Variants in AGBL4 observed in about 807,000 individuals in gnomAD.
AGBL4 encodes AGBL carboxypeptidase 4.
A neutral mutation model predicts 66.4 loss-of-function variants in AGBL4; 58 were observed. The ratio of observed to expected loss-of-function variants is 0.87; its 90% CI spans 0.71 to 1.09. The LOEUF (loss-of-function observed/expected upper bound fraction) is 1.09, where lower values mean the gene tolerates loss of function less well. Ranked by LOEUF, AGBL4 falls within the 50% of genes least tolerant of loss-of-function variation. The pLI, the probability that AGBL4 is intolerant of heterozygous loss-of-function variation, is 0.00. For missense variants in AGBL4, 579 were observed against 631.0 expected (o/e 0.92, Z 0.88); for synonymous variants, 234 against 222.9 (o/e 1.05, Z -0.44).
rs774087330 is a variant in AGBL4 at position 49,697,408 on chromosome 1, CAG to C, written c.185_186del (p.Ser62Ter). ...CTAATGAACAGATCATACTCAAACTCAGAGACCTGGTCCACCCGGCCCAGGTT... is the reference window on the plus strand; with the variant it reads ...CTAATGAACAGATCATACTCAAACTCAGACCTGGTCCACCCGGCCCAGGTT... ...SGNLGRVDQV[S>X]EFEYDLFIRP... On this transcript the variant is annotated frameshift_variant, in exon 3 of 14. Transcript: ENST00000371839. LOFTEE classifies it high-confidence loss of function. The C allele has an allele frequency of 3.3e-5, 50 of 1,533,076 alleles. No homozygotes were observed. Among genetic ancestry groups the C allele is most frequent in the Non-Finnish European group, 4.1e-5 (47 of 1,132,566 alleles). The allele number at this position is 1,533,076 out of a possible 1,614,324, so 95.0% of individuals were successfully genotyped here. A position where few individuals can be genotyped will look rare whatever the true frequency, so the allele number is the denominator to read the frequency against.
intron 4 of AGBL4, among the ~76,000 whole-genome samples, chr1:49,125,417 A>G (rs2148054726): frequency 6.6e-6 from 1 of 152,292 alleles, no homozygotes; most frequent in East Asian, 1.9e-4. Flanking sequence ...AGTGTCATAT[A>G]AAGCACAAAT....
intron 2 of AGBL4, among the ~76,000 whole-genome samples, chr1:49,795,198 T>A (rs569502473): frequency 7.4e-5 from 11 of 149,230 alleles, no homozygotes; most frequent in African/African-American, 2.7e-4. Flanking sequence ...AGCTGATATT[T>A]AAAAAAAAAA....
At chr1:48,833,213 G>A (rs770238328) in intron 6 of AGBL4, among the ~76,000 whole-genome samples, 112 of 152,190 alleles carry the variant, frequency 7.4e-4, no homozygotes, top group Non-Finnish European at 1.3e-3. Context: ...TGAGGTGCAA[G>A]TTAGACATAT....
chr1:49,222,545 T>A (rs533727676), intron 4 of AGBL4, among the ~76,000 whole-genome samples: 1 of 152,206 alleles, frequency 6.6e-6, no homozygotes, highest in Non-Finnish European at 1.5e-5. Context: ...GGGAAATAGA[T>A]GCCATGGCCA....
At chr1:49,212,622 C>T (rs1004915067) in intron 4 of AGBL4, among the ~76,000 whole-genome samples, 5 of 152,070 alleles carry the variant, frequency 3.3e-5, no homozygotes, top group African/African-American at 1.2e-4. Context: ...CAAACCAAGA[C>T]AAGAACAAAT....
chr1:49,575,771 C>A (rs1644423576), intron 3 of AGBL4, among the ~76,000 whole-genome samples: 1 of 152,182 alleles, frequency 6.6e-6, no homozygotes, highest in African/African-American at 2.4e-5. Context: ...GTCCATAAGG[C>A]CCACCAGAAG....
At position 49,887,403 on chromosome 1, in the gene AGBL4, C is replaced by T. The variant is rs115475363; in HGVS notation, c.35-35885G>A. The stretch of plus-strand genomic sequence containing the variant: ...CTTCAGTAGCTACCCACAAGACAGC[C>T]AAGGTATGAAGTTGTGAATCTGGAA... On this transcript the variant is annotated intron_variant, in intron 1 of 13. Coordinates refer to ENST00000371839, the MANE Select transcript of AGBL4 (RefSeq NM_032785.4). 3.4e-3 allele frequency among the ~76,000 whole-genome samples: 519 copies of T among 151,494 alleles called. 3 individuals are homozygous for T. The highest frequency in any genetic ancestry group is 0.012 in the African/African-American group (497 of 41,296).
chr1:48,545,886 T>G (rs540765628), intron 11 of AGBL4, among the ~76,000 whole-genome samples: 3 of 152,222 alleles, frequency 2.0e-5, no homozygotes, highest in Admixed American at 2.0e-4. Flanking sequence ...TTACTGTTCA[T>G]TCTCATTCAT....
intron 3 of AGBL4, among the ~76,000 whole-genome samples, chr1:49,567,155 C>T (rs1163581375): frequency 6.6e-6 from 1 of 152,192 alleles, no homozygotes; most frequent in Admixed American, 6.5e-5. Flanking sequence ...TGGAAAAGTG[C>T]AGTATTAGGG....
chr1:49,979,430 C>T (rs1192845983), intron 1 of AGBL4, among the ~76,000 whole-genome samples: 4 of 150,738 alleles, frequency 2.7e-5, no homozygotes, highest in Non-Finnish European at 5.9e-5. Flanking sequence ...CACTGCAGTC[C>T]GCAGTCCGGC....
intron 3 of AGBL4, among the ~76,000 whole-genome samples, chr1:49,631,141 T>A (rs1321191722): frequency 6.6e-6 from 1 of 152,208 alleles, no homozygotes; most frequent in Admixed American, 6.5e-5. Flanking sequence ...AAGGTGTCCA[T>A]CCAAATGTCC....
At chr1:48,615,089 G>C (rs970909146) in intron 9 of AGBL4, among the ~76,000 whole-genome samples, 1 of 152,142 alleles carries the variant, frequency 6.6e-6, no homozygotes, top group African/African-American at 2.4e-5. Flanking sequence ...GGGAGTTTGT[G>C]GGGGTGCAAG....
At chr1:48,798,785 A>T (rs1645748129) in intron 6 of AGBL4, among the ~76,000 whole-genome samples, 1 of 152,056 alleles carries the variant, frequency 6.6e-6, no homozygotes, top group Non-Finnish European at 1.5e-5. Context: ...TTCCCCACCC[A>T]CTTTATGTTC....
chr1:49,552,759 A>G (rs1447510958), intron 3 of AGBL4, among the ~76,000 whole-genome samples: 2 of 152,120 alleles, frequency 1.3e-5, no homozygotes, highest in African/African-American at 4.8e-5. Context: ...TATGATTCAC[A>G]ATGCAAGGCC....
At chr1:48,764,806 T>C (rs1644450932) in intron 6 of AGBL4, among the ~76,000 whole-genome samples, 1 of 152,186 alleles carries the variant, frequency 6.6e-6, no homozygotes, top group Admixed American at 6.5e-5. Context: ...TAAATGTTCC[T>C]TGAAAACAAT....
chr1:48,623,789 G>C (rs1035467603), intron 9 of AGBL4, among the ~76,000 whole-genome samples: 4 of 152,194 alleles, frequency 2.6e-5, no homozygotes, highest in Admixed American at 1.3e-4. Flanking sequence ...CTGCTCAGAC[G>C]GGGGCATGGA....
In AGBL4 at chr1:48,557,753, C is replaced by A. The variant is rs142187541; in HGVS notation, c.1268-18015G>T. On this transcript the variant is annotated intron_variant, in intron 11 of 13. Transcript: ENST00000371839. ...CCAGAGACACAAGGTCTTCTTGAAC[C>A]ATAAGCTCTCAGAACAATGCCCCAC... Among the ~76,000 whole-genome samples, 633 of 152,234 alleles carry A rather than the reference C, an allele frequency of 4.2e-3. 1 individual carries two copies. Among genetic ancestry groups the A allele is most frequent in the Admixed American group, 6.3e-3 (97 of 15,302 alleles).
At chr1:49,603,495 A>G (rs1391991080) in intron 3 of AGBL4, among the ~76,000 whole-genome samples, 1 of 151,696 alleles carries the variant, frequency 6.6e-6, no homozygotes, top group Non-Finnish European at 1.5e-5. Flanking sequence ...ACTGCACTCC[A>G]GCCTGGGCGA....
chr1:49,953,796 C>G (rs940084953), intron 1 of AGBL4, among the ~76,000 whole-genome samples: 1 of 151,890 alleles, frequency 6.6e-6, no homozygotes, highest in African/African-American at 2.4e-5. Flanking sequence ...ATTAAACCAA[C>G]AGAGTGCTAA....
Sources: allele counts gnomAD v4.1 joint callset (sites outside exome capture counted in the v4.1 genomes callset), GRCh38; gene constraint gnomAD v4.1.1; transcripts MANE v1.5; gene names NCBI Gene and HGNC (gene_info 2026-07-23, HGNC 2026-07-21).